The following GPHN variants were observed in gnomAD, a reference collection of about 807,000 sequenced individuals.
The protein encoded by GPHN is gephyrin.
Under a neutral mutation model 95.5 loss-of-function variants are expected in GPHN, and 17 were observed. That is an observed-to-expected ratio of 0.18 (90% confidence interval 0.12 to 0.27). GPHN has a LOEUF of 0.27. Among genes scored for constraint, GPHN ranks in the 10% least tolerant of loss-of-function variants. The pLI is 1.00. For synonymous variants in GPHN, 320 were observed against 322.5 expected, an observed-to-expected ratio of 0.99 and a Z score of 0.08; for missense variants, 660 against 978.1, an observed-to-expected ratio of 0.67 and a Z score of 4.34.
chr14:67,163,520 A>G (rs1167082999), intron 19 of GPHN, among the ~76,000 whole-genome samples: 1 of 152,090 alleles, frequency 6.6e-6, no homozygotes, highest in Admixed American at 6.5e-5. Context: ...GAAACATAGC[A>G]ATGTGGGGTT....
At chr14:66,817,910 A>G (rs1185184408) in intron 3 of GPHN, among the ~76,000 whole-genome samples, 1 of 152,176 alleles carries the variant, frequency 6.6e-6, no homozygotes, top group Non-Finnish European at 1.5e-5. Flanking sequence ...TCAGAAATCC[A>G]GCCCAGTTGC....
chr14:67,513,217 T>A, the GPHN span, among the ~76,000 whole-genome samples: 3 of 152,186 alleles, frequency 2.0e-5, no homozygotes, highest in Admixed American at 1.3e-4. Flanking sequence ...CAGGCCTCCA[T>A]ATCATTATCC....
chr14:67,216,506 A>T, the GPHN span, among the ~76,000 whole-genome samples: 9 of 151,938 alleles, frequency 5.9e-5, no homozygotes, highest in Non-Finnish European at 1.3e-4. Flanking sequence ...TTTATTTGAC[A>T]TCTTTCTAGT....
chr14:67,127,569 G>T (rs2079407577), intron 17 of GPHN, among the ~76,000 whole-genome samples: 1 of 152,114 alleles, frequency 6.6e-6, no homozygotes, highest in Non-Finnish European at 1.5e-5. Flanking sequence ...AACAAATCTG[G>T]GGTGGGCTGA....
At chr14:66,705,185 C>T (rs1283789745) in intron 2 of GPHN, among the ~76,000 whole-genome samples, 1 of 152,142 alleles carries the variant, frequency 6.6e-6, no homozygotes, top group Admixed American at 6.5e-5. Flanking sequence ...AGCATACTAA[C>T]CAAAAAAAGC....
intron 1 of GPHN, among the ~76,000 whole-genome samples, chr14:66,600,558 T>C: frequency 6.6e-6 from 1 of 152,112 alleles, no homozygotes; most frequent in East Asian, 1.9e-4. Flanking sequence ...AGACAACTTA[T>C]TTAAAATATG....
At chr14:67,279,409 A>C in the GPHN span, 1 of 1,614,012 alleles carries the variant, frequency 6.2e-7, no homozygotes, top group Non-Finnish European at 8.5e-7. Context: ...CAAGAACTTG[A>C]CCTTAATTCT....
chr14:67,452,287 C>T, the GPHN span, among the ~76,000 whole-genome samples: 1 of 149,678 alleles, frequency 6.7e-6, no homozygotes, highest in Non-Finnish European at 1.5e-5. Context: ...CACACCACTG[C>T]ACTCCAGCCT....
At chr14:66,641,066 C>G (rs7152513) in intron 1 of GPHN, among the ~76,000 whole-genome samples, 47,142 of 151,934 alleles carry the variant, frequency 0.31, 11,134 homozygotes, top group African/African-American at 0.63. Context: ...ATACACTGTC[C>G]TAACACTGAA....
chr14:66,562,694 C>T (rs181563498), intron 1 of GPHN, among the ~76,000 whole-genome samples: 20 of 152,116 alleles, frequency 1.3e-4, no homozygotes, highest in African/African-American at 3.9e-4. Context: ...AATAAATATA[C>T]GCGGGAAATC....
At chr14:67,725,088 C>T in the GPHN span, 34 of 1,613,812 alleles carry the variant, frequency 2.1e-5, no homozygotes, top group Admixed American at 5.0e-5. Flanking sequence ...CTTTTTTTGT[C>T]TTGGACCCAG....
chr14:66,577,743 G>GA (rs2060967479), intron 1 of GPHN, among the ~76,000 whole-genome samples: 1 of 151,828 alleles, frequency 6.6e-6, no homozygotes, highest in Admixed American at 6.5e-5. Flanking sequence ...AGAACTAAAG[G>GA]AATTTTGCAT....
chr14:67,735,012 A>C, the GPHN span, among the ~76,000 whole-genome samples: 1 of 152,230 alleles, frequency 6.6e-6, no homozygotes, highest in Admixed American at 6.5e-5. Flanking sequence ...AATATTTTAA[A>C]TCTGAAAGTT....
At chr14:67,082,478 T>C (rs2076730483) in intron 11 of GPHN, among the ~76,000 whole-genome samples, 3 of 152,188 alleles carry the variant, frequency 2.0e-5, no homozygotes, top group Admixed American at 1.3e-4. Context: ...CTCTATTCTA[T>C]TCCATTGATC....
chr14:66,596,108 C>T (rs1420171848), intron 1 of GPHN, among the ~76,000 whole-genome samples: 1 of 152,000 alleles, frequency 6.6e-6, no homozygotes, highest in African/African-American at 2.4e-5. Context: ...CTGCTCAGCT[C>T]TCAGCAGAGA....
the GPHN span, among the ~76,000 whole-genome samples, chr14:67,667,121 T>C: frequency 2.6e-5 from 4 of 152,076 alleles, no homozygotes; most frequent in African/African-American, 7.2e-5. Context: ...TTTGGGAAAC[T>C]GGGTGGATGC....
At chr14:67,290,954 T>A in the GPHN span, among the ~76,000 whole-genome samples, 4 of 152,152 alleles carry the variant, frequency 2.6e-5, no homozygotes, top group Non-Finnish European at 5.9e-5. Flanking sequence ...AAATAGAAGT[T>A]AAATAAAGTA....
intron 9 of GPHN, among the ~76,000 whole-genome samples, chr14:67,011,552 C>T (rs1381086276): frequency 9.0e-6 from 1 of 111,424 alleles, no homozygotes; most frequent in Non-Finnish European, 1.7e-5. Context: ...GTAGCCTGGA[C>T]AGTAGAGTGA....
In GPHN at chr14:67,122,367, G is replaced by T. The variant is rs1204402891; in HGVS notation, c.1738G>T (p.Val580Leu). The change falls in exon 17 of 23, where the codon GTA (valine) becomes TTA (leucine). Residue 580 changes from valine to leucine, a missense_variant. Physicochemically the swap from Val to Leu is conservative, Grantham distance 32 (BLOSUM62 1). Around this residue, in one of 6 missense-constraint regions of GPHN, gnomAD observed 257 missense variants for 376.2 expected, o/e 0.68. Transcript: ENST00000478722. The part of the protein sequence containing the change: ...HGYPTINLGI[V>L]GDNPDDLLNA... ...TTACCCCACGATCAACTTGGGTATTGTAGGAGACAAGTAAGTATTTGATGT... is the reference window on the plus strand; with the variant it reads ...TTACCCCACGATCAACTTGGGTATTTTAGGAGACAAGTAAGTATTTGATGT... 5 of 1,612,770 alleles carry T rather than the reference G, an allele frequency of 3.1e-6. No individual in the cohort carries two copies. In the Admixed American group the frequency reaches 8.3e-5, roughly 27 times the overall value.
Sources: allele counts gnomAD v4.1 joint callset (sites outside exome capture counted in the v4.1 genomes callset), GRCh38; gene constraint gnomAD v4.1.1; regional missense constraint gnomAD v4.1.1; transcripts MANE v1.5; gene names NCBI Gene and HGNC (gene_info 2026-07-23, HGNC 2026-07-21).